PHLPP1: variants seen among roughly 807,000 people sequenced by gnomAD.
PHLPP1 encodes the protein PH domain and leucine rich repeat protein phosphatase 1, also known as PH domain leucine-rich repeat-containing protein phosphatase 1.
In PHLPP1, 42 loss-of-function variants were observed where a neutral mutation model predicts 117.2. The ratio of observed to expected loss-of-function variants is 0.36; its 90% CI spans 0.28 to 0.46. The LOEUF is 0.46. Ranked by LOEUF, PHLPP1 falls within the 20% of genes least tolerant of loss-of-function variation. The probability of loss-of-function intolerance (pLI) is 1.00; values close to 1 mark genes in which losing one functional copy is unlikely to be tolerated. For missense variants in PHLPP1, 2,084 were observed against 2,241.9 expected (o/e 0.93, Z 1.42); for synonymous variants, 1,042 against 970.7 (o/e 1.07, Z -1.37).
intron 10 of PHLPP1, among the ~76,000 whole-genome samples, chr18:62,940,051 CT>C (rs1005000258): frequency 6.6e-6 from 1 of 152,108 alleles, no homozygotes; most frequent in African/African-American, 2.4e-5. Context: ...CCTTCTAACT[CT>C]TGTAGGCAAG....
chr18:62,979,437 C>T lies in PHLPP1; in HGVS notation c.*6C>T, dbSNP rs1351587011. 1 of 1,549,474 alleles carries T rather than the reference C, an allele frequency of 6.5e-7. No homozygotes were observed. Among genetic ancestry groups the T allele is most frequent in the Non-Finnish European group, 8.7e-7 (1 of 1,145,550 alleles). Reference sequence around the variant, plus strand: ...ATTACGACACGCCACTATGACCCAGCCGAGCTGTTTAACAAATAAACTAAC... The same window carrying T: ...ATTACGACACGCCACTATGACCCAGTCGAGCTGTTTAACAAATAAACTAAC... On this transcript the variant is annotated 3_prime_UTR_variant, in exon 17 of 17. Coordinates refer to ENST00000262719, the MANE Select transcript of PHLPP1 (RefSeq NM_194449.4).
At chr18:62,930,136 A>C (rs1379734890) in intron 10 of PHLPP1, among the ~76,000 whole-genome samples, 3 of 152,252 alleles carry the variant, frequency 2.0e-5, no homozygotes, top group African/African-American at 7.2e-5. Context: ...TTAATAAGAC[A>C]TAAGTACAAA....
intron 3 of PHLPP1, among the ~76,000 whole-genome samples, chr18:62,842,653 C>T (rs1306729002): frequency 1.3e-5 from 2 of 152,128 alleles, no homozygotes; most frequent in Non-Finnish European, 2.9e-5. Flanking sequence ...CGTGAGCCAC[C>T]GTGCCTGGCC....
intron 16 of PHLPP1, among the ~76,000 whole-genome samples, chr18:62,976,863 G>C (rs984703382): frequency 2.0e-5 from 3 of 152,138 alleles, no homozygotes; most frequent in Non-Finnish European, 2.9e-5. Context: ...TTCTTTGCAG[G>C]TCACTGCTGT....
chr18:62,827,768 A>G (rs571040491), intron 1 of PHLPP1, among the ~76,000 whole-genome samples: 1 of 152,298 alleles, frequency 6.6e-6, no homozygotes, highest in East Asian at 1.9e-4. Flanking sequence ...CTACTGATGT[A>G]TCCATACTCT....
intron 1 of PHLPP1, among the ~76,000 whole-genome samples, chr18:62,815,498 T>G (rs1914247333): frequency 6.6e-6 from 1 of 152,140 alleles, no homozygotes; most frequent in South Asian, 2.1e-4. Flanking sequence ...TGGCTGTTGT[T>G]AGGAGGCCTT....
In PHLPP1 at chr18:62,715,656, T is replaced by TC. The variant is rs1555664937; in HGVS notation, c.-28_-27insC. The TC allele has an allele frequency of 7.9e-7, 1 of 1,260,464 alleles. No homozygotes were observed. 78.1% of individuals were successfully genotyped at this position (1,260,464 alleles called of 1,614,324 possible). A position where few individuals can be genotyped will look rare whatever the true frequency, so the allele number is the denominator to read the frequency against. ...CCTCTCCGCCCGCTGCCTCCGGAGC[T>TC]GGGGGGGAAACGCGAAGCCCCACTG... On this transcript the variant is annotated 5_prime_UTR_variant, in exon 1 of 17. Coordinates refer to ENST00000262719, the MANE Select transcript of PHLPP1 (RefSeq NM_194449.4).
chr18:62,854,201 G>C (rs1189743240), intron 3 of PHLPP1, among the ~76,000 whole-genome samples: 2 of 152,196 alleles, frequency 1.3e-5, no homozygotes, highest in African/African-American at 4.8e-5. Context: ...TTTGCCAAAA[G>C]GAATTTATAT....
At chr18:62,961,933 C>A (rs550742197) in intron 13 of PHLPP1, among the ~76,000 whole-genome samples, 23 of 152,230 alleles carry the variant, frequency 1.5e-4, no homozygotes, top group African/African-American at 5.3e-4. Context: ...AAAGGGAATA[C>A]AAGTTAGATA....
chr18:62,873,839 G>C (rs1181831467), intron 4 of PHLPP1, among the ~76,000 whole-genome samples: 1 of 152,006 alleles, frequency 6.6e-6, no homozygotes, highest in Admixed American at 6.6e-5. Flanking sequence ...AGATCAAAAC[G>C]CTTTTAATAT....
intron 4 of PHLPP1, among the ~76,000 whole-genome samples, chr18:62,861,427 A>G (rs557928431): frequency 6.6e-6 from 1 of 152,264 alleles, no homozygotes; most frequent in South Asian, 2.1e-4. Flanking sequence ...TTTAAACTAG[A>G]AGAGAGGGAC....
chr18:62,853,927 A>G (rs1915428377), intron 3 of PHLPP1, among the ~76,000 whole-genome samples: 1 of 152,220 alleles, frequency 6.6e-6, no homozygotes, highest in Non-Finnish European at 1.5e-5. Flanking sequence ...AATGAATAAA[A>G]TGGTATTACT....
At position 62,921,793 on chromosome 18, in the gene PHLPP1, A is replaced by G. The variant is rs868384126; in HGVS notation, c.2960+1679A>G. 5.9e-5 allele frequency among the ~76,000 whole-genome samples: 9 copies of G among 152,344 alleles called. No individual in the cohort carries two copies. The South Asian group carries it at 1.9e-3, about 32-fold the overall frequency. On this transcript the variant is annotated intron_variant, in intron 10 of 16. Transcript: ENST00000262719. ...ATGACTTACATTCAGTAAAGTGTCCAACTTTTAAGCCTACTGCTCAATGAA... is the reference window on the plus strand; with the variant it reads ...ATGACTTACATTCAGTAAAGTGTCCGACTTTTAAGCCTACTGCTCAATGAA...
intron 1 of PHLPP1, among the ~76,000 whole-genome samples, chr18:62,751,780 G>A (rs1422075182): frequency 6.6e-6 from 1 of 152,072 alleles, no homozygotes; most frequent in Non-Finnish European, 1.5e-5. Context: ...GACTATGTGG[G>A]TCTTTCCCCT....
intron 10 of PHLPP1, among the ~76,000 whole-genome samples, chr18:62,932,057 A>G (rs1909828721): frequency 6.6e-6 from 1 of 152,176 alleles, no homozygotes; most frequent in Non-Finnish European, 1.5e-5. Flanking sequence ...ACAGCTTCCC[A>G]AGGTTGAACC....
intron 13 of PHLPP1, among the ~76,000 whole-genome samples, chr18:62,960,279 A>G (rs1047989346): frequency 1.3e-5 from 2 of 152,358 alleles, no homozygotes; most frequent in African/African-American, 4.8e-5. Context: ...GTAATAAATC[A>G]TATGAATATC....
chr18:62,747,320 T>C lies in PHLPP1; in HGVS notation c.1576+30061T>C, dbSNP rs1804656118. ...TTTCTGTGGAAACAGAGTCTCGCTCTTTTGCCCAGGTTGGATTGCAGTGGA... is the reference window on the plus strand; with the variant it reads ...TTTCTGTGGAAACAGAGTCTCGCTCCTTTGCCCAGGTTGGATTGCAGTGGA... On this transcript the variant is annotated intron_variant, in intron 1 of 16. Coordinates refer to ENST00000262719, the MANE Select transcript of PHLPP1 (RefSeq NM_194449.4). 1.3e-5 allele frequency among the ~76,000 whole-genome samples: 2 copies of C among 149,870 alleles called. 1 individual carries two copies. The highest frequency in any genetic ancestry group is 4.3e-4 in the South Asian group (2 of 4,616).
intron 1 of PHLPP1, among the ~76,000 whole-genome samples, chr18:62,756,849 A>G (rs1448341109): frequency 6.6e-6 from 1 of 152,236 alleles, no homozygotes; most frequent in Non-Finnish European, 1.5e-5. Flanking sequence ...CTCCTGAAGC[A>G]CATGGCTATT....
intron 10 of PHLPP1, among the ~76,000 whole-genome samples, chr18:62,927,087 G>A (rs537567781): frequency 1.3e-5 from 2 of 152,238 alleles, no homozygotes; most frequent in Non-Finnish European, 2.9e-5. Flanking sequence ...AGGAAAATTG[G>A]CAATTGGATT....
Sources: gnomAD v4.1 joint callset for allele counts (sites outside exome capture counted in the v4.1 genomes callset) on GRCh38, gnomAD v4.1.1 for gene constraint, MANE v1.5 for transcripts, NCBI Gene and HGNC (gene_info 2026-07-23, HGNC 2026-07-21) for gene names.